Variants in SPIDR observed in about 807,000 individuals in gnomAD.
The protein encoded by SPIDR is scaffold protein involved in DNA repair.
SPIDR carries 93 observed loss-of-function variants against 104.6 expected under a neutral mutation model. That is an observed-to-expected ratio of 0.89 (90% confidence interval 0.75 to 1.06). The LOEUF is 1.06. Among genes scored for constraint, SPIDR ranks in the 50% least tolerant of loss-of-function variants. The pLI is 0.00. For synonymous variants in SPIDR, 431 were observed against 416.9 expected, an observed-to-expected ratio of 1.03 and a Z score of -0.41; for missense variants, 1,154 against 1,111.2, an observed-to-expected ratio of 1.04 and a Z score of -0.55.
intron 8 of SPIDR, among the ~76,000 whole-genome samples, chr8:47,471,544 G>A (rs2075707378): frequency 6.6e-6 from 1 of 152,084 alleles, no homozygotes; most frequent in Non-Finnish European, 1.5e-5. Flanking sequence ...AAATTGGAAT[G>A]CTTTTGCACT....
intron 10 of SPIDR, among the ~76,000 whole-genome samples, chr8:47,609,728 A>G (rs964885836): frequency 2.0e-5 from 3 of 152,190 alleles, no homozygotes; most frequent in East Asian, 1.9e-4. Flanking sequence ...AGTAATATGT[A>G]CACGCTCTTT....
intron 10 of SPIDR, among the ~76,000 whole-genome samples, chr8:47,612,343 A>G (rs1006299733): frequency 2.0e-5 from 3 of 152,196 alleles, no homozygotes; most frequent in Non-Finnish European, 2.9e-5. Flanking sequence ...CTCAAGAGCT[A>G]TGGAAAAGTG....
chr8:47,341,253 T>C (rs1328046310), intron 5 of SPIDR, among the ~76,000 whole-genome samples: 1 of 152,234 alleles, frequency 6.6e-6, no homozygotes, highest in Non-Finnish European at 1.5e-5. Context: ...TATTTGTCTA[T>C]GCCATTTAAT....
intron 8 of SPIDR, among the ~76,000 whole-genome samples, chr8:47,459,735 GT>G (rs1554712279): frequency 6.6e-6 from 1 of 151,816 alleles, no homozygotes; most frequent in Non-Finnish European, 1.5e-5. Context: ...TAGATTGTCT[GT>G]TTGTACTGTT....
In SPIDR at chr8:47,704,820, TAGG is replaced by T. The variant is rs556534276; in HGVS notation, c.1977+2810_1977+2812del. 7.2e-5 allele frequency among the ~76,000 whole-genome samples: 11 copies of T among 152,184 alleles called. No homozygotes were observed. In the South Asian group the frequency reaches 2.3e-3, roughly 32 times the overall value. ...GCACCCCAGTGTCCGGCTCAGGAGA[TAGG>T]AGGATAGGGCTCCCAGCAAGGACGA... On this transcript the variant is annotated intron_variant, in intron 14 of 19. Coordinates refer to ENST00000297423, the MANE Select transcript of SPIDR (RefSeq NM_001080394.4).
At chr8:47,430,656 C>T (rs536715956) in intron 7 of SPIDR, among the ~76,000 whole-genome samples, 1 of 152,302 alleles carries the variant, frequency 6.6e-6, no homozygotes, top group African/African-American at 2.4e-5. Context: ...AGTGACCACC[C>T]ATAATTAGTA....
At chr8:47,638,074 T>C (rs973308042) in intron 10 of SPIDR, among the ~76,000 whole-genome samples, 4 of 152,214 alleles carry the variant, frequency 2.6e-5, no homozygotes, top group East Asian at 1.9e-4. Context: ...CTTGGAGTTA[T>C]TTCAATTGAT....
chr8:47,524,579 A>G (rs1185847027), intron 8 of SPIDR, among the ~76,000 whole-genome samples: 1 of 152,154 alleles, frequency 6.6e-6, no homozygotes, highest in Non-Finnish European at 1.5e-5. Context: ...CCAGCCAGCT[A>G]GAGGCAGAGA....
intron 8 of SPIDR, among the ~76,000 whole-genome samples, chr8:47,469,632 A>G (rs981090831): frequency 6.6e-6 from 1 of 152,200 alleles, no homozygotes; most frequent in Non-Finnish European, 1.5e-5. Flanking sequence ...AGGAAACCAA[A>G]TACCACATGT....
intron 5 of SPIDR, among the ~76,000 whole-genome samples, chr8:47,297,727 G>A (rs1312578302): frequency 6.6e-6 from 1 of 151,990 alleles, no homozygotes; most frequent in Non-Finnish European, 1.5e-5. Context: ...TTGTCCTTGT[G>A]ATAGTTTGCT....
chr8:47,570,683 T>A (rs1406676298), intron 8 of SPIDR, among the ~76,000 whole-genome samples: 1 of 152,202 alleles, frequency 6.6e-6, no homozygotes, highest in Non-Finnish European at 1.5e-5. Flanking sequence ...ACATAGAGAA[T>A]ATATAAAAAA....
intron 7 of SPIDR, among the ~76,000 whole-genome samples, chr8:47,419,469 C>T (rs1791137879): frequency 6.6e-6 from 1 of 152,118 alleles, no homozygotes; most frequent in Non-Finnish European, 1.5e-5. Context: ...GTGATATCCC[C>T]TTTATCAATT....
At chr8:47,538,045 C>T (rs553142630) in intron 8 of SPIDR, among the ~76,000 whole-genome samples, 7 of 151,932 alleles carry the variant, frequency 4.6e-5, no homozygotes, top group Non-Finnish European at 7.4e-5. Context: ...CGTGGTGACT[C>T]GCGCATATAA....
intron 5 of SPIDR, among the ~76,000 whole-genome samples, chr8:47,320,107 C>T (rs200870442): frequency 1.3e-5 from 2 of 152,080 alleles, no homozygotes; most frequent in Non-Finnish European, 2.9e-5. Context: ...CAGAGCAGAA[C>T]TGAAGGAAAT....
chr8:47,537,858 A>C (rs952717682), intron 8 of SPIDR, among the ~76,000 whole-genome samples: 9 of 152,264 alleles, frequency 5.9e-5, no homozygotes, highest in African/African-American at 2.2e-4. Context: ...CTACTCTAAA[A>C]ATTAGTATAT....
chr8:47,731,794 G>A (rs1173109663), intron 19 of SPIDR, among the ~76,000 whole-genome samples: 1 of 152,222 alleles, frequency 6.6e-6, no homozygotes, highest in Non-Finnish European at 1.5e-5. Context: ...CCCAGAAAGG[G>A]GGGAACTGCC....
At chr8:47,566,211 G>T (rs1300129849) in intron 8 of SPIDR, among the ~76,000 whole-genome samples, 1 of 151,006 alleles carries the variant, frequency 6.6e-6, no homozygotes, top group Non-Finnish European at 1.5e-5. Context: ...TCTCCATGTT[G>T]GTCAGGCTGG....
intron 7 of SPIDR, among the ~76,000 whole-genome samples, chr8:47,429,535 A>T (rs1251057775): frequency 2.0e-5 from 3 of 152,216 alleles, no homozygotes; most frequent in African/African-American, 7.2e-5. Flanking sequence ...ATATAAGCAA[A>T]TAAGAACTGC....
chr8:47,516,547 C>G lies in SPIDR; in HGVS notation c.1097+76005C>G, dbSNP rs915179066. On this transcript the variant is annotated intron_variant, in intron 8 of 19. Coordinates refer to ENST00000297423, the MANE Select transcript of SPIDR (RefSeq NM_001080394.4). Reference sequence around the variant, plus strand: ...ACAATATTTGTTATTTTGTGTCTGGCTTATTTTACTTAGCATAATGTTTTC... The same window carrying G: ...ACAATATTTGTTATTTTGTGTCTGGGTTATTTTACTTAGCATAATGTTTTC... Among the ~76,000 whole-genome samples the G allele has an allele frequency of 3.9e-5, 6 of 152,118 alleles. No homozygotes were observed. The East Asian group carries it at 1.2e-3, about 29-fold the overall frequency.
Sources: gnomAD v4.1 joint callset for allele counts (sites outside exome capture counted in the v4.1 genomes callset) on GRCh38, gnomAD v4.1.1 for gene constraint, MANE v1.5 for transcripts, NCBI Gene and HGNC (gene_info 2026-07-23, HGNC 2026-07-21) for gene names.